The following LNP1 variants were observed in gnomAD, a reference collection of about 807,000 sequenced individuals.
LNP1 encodes the protein leukemia NUP98 fusion partner 1.
Under a neutral mutation model 14.5 loss-of-function variants are expected in LNP1, and 12 were observed. That is an observed-to-expected ratio of 0.83 (90% CI 0.53 to 1.34). The LOEUF (loss-of-function observed/expected upper bound fraction) is 1.34, where lower values mean the gene tolerates loss of function less well. Among genes scored for constraint, LNP1 ranks in the 40% most tolerant of loss-of-function variants. LNP1 has a pLI of 0.00. For synonymous variants in LNP1, 75 were observed against 71.4 expected (o/e 1.05, Z -0.26); for missense variants, 198 against 210.9 (o/e 0.94, Z 0.38).
At chr3:100,434,222 C>T (rs891122054) in intron 2 of LNP1, among the ~76,000 whole-genome samples, 1 of 152,120 alleles carries the variant, frequency 6.6e-6, no homozygotes, top group Non-Finnish European at 1.5e-5. Flanking sequence ...GTCTTTAATC[C>T]ATCCTGAGTT....
At chr3:100,431,992 TTATATATA>T (rs66513332) in intron 2 of LNP1, among the ~76,000 whole-genome samples, 146 of 34,502 alleles carry the variant, frequency 4.2e-3, no homozygotes, top group Middle Eastern at 0.024. Context: ...GAGACCTTGT[TTATATATA>T]TATATATATA....
chr3:100,447,581 T>C (rs2148907638), intron 2 of LNP1, among the ~76,000 whole-genome samples: 1 of 151,462 alleles, frequency 6.6e-6, no homozygotes. Flanking sequence ...ACATGTACCC[T>C]AGAACTTAAA....
chr3:100,414,345 G>A (rs1305467113), intron 1 of LNP1, among the ~76,000 whole-genome samples: 1 of 152,090 alleles, frequency 6.6e-6, no homozygotes, highest in Non-Finnish European at 1.5e-5. Flanking sequence ...TCAGGAGGTT[G>A]AGACCAGCCT....
chr3:100,438,250 C>G (rs1707310235), intron 2 of LNP1, among the ~76,000 whole-genome samples: 1 of 152,130 alleles, frequency 6.6e-6, no homozygotes, highest in Non-Finnish European at 1.5e-5. Flanking sequence ...ATTACATAAC[C>G]AATTTCCCCC....
chr3:100,426,579 C>T (rs565958271), intron 1 of LNP1, among the ~76,000 whole-genome samples: 1 of 152,304 alleles, frequency 6.6e-6, no homozygotes, highest in Admixed American at 6.5e-5. Flanking sequence ...CTCTAAGGGT[C>T]AGACAGACAC....
At chr3:100,450,980 G>C (rs998730998) in intron 2 of LNP1, among the ~76,000 whole-genome samples, 1 of 152,132 alleles carries the variant, frequency 6.6e-6, no homozygotes, top group African/African-American at 2.4e-5. Flanking sequence ...CTCTCTGGAG[G>C]GGGTGGTCTC....
rs1023867459 is a variant in LNP1 at position 100,402,195 on chromosome 3, G to C, written c.-278G>C. ...TTGGAATACACGGTATTTTCATGAA[G>C]ACAACTATTAATAGAAAAATCAGAG... On this transcript the variant is annotated 5_prime_UTR_variant, in exon 1 of 4. Coordinates refer to ENST00000383693, the MANE Select transcript of LNP1 (RefSeq NM_001085451.2). 3 of 152,144 alleles carry C rather than the reference G, an allele frequency of 2.0e-5. No homozygotes were observed. Among genetic ancestry groups the C allele is most frequent in the African/African-American group, 7.2e-5 (3 of 41,430 alleles). 9.4% of individuals were successfully genotyped at this position (152,144 alleles called of 1,614,324 possible).
chr3:100,429,363 A>G lies in LNP1; in HGVS notation c.-33-334A>G, dbSNP rs375167376. On this transcript the variant is annotated intron_variant, in intron 1 of 3. Coordinates refer to ENST00000383693, the MANE Select transcript of LNP1 (RefSeq NM_001085451.2). ...ATCATCATTGACAGCTGGAGATGCC[A>G]TCACATGTCATTGGCAGCAAAGCAC... 7.0e-4 allele frequency among the ~76,000 whole-genome samples: 107 copies of G among 152,284 alleles called. 1 individual carries two copies. The highest frequency in any genetic ancestry group is 2.4e-3 in the African/African-American group (101 of 41,570).
At chr3:100,411,298 G>T (rs914842369) in intron 1 of LNP1, among the ~76,000 whole-genome samples, 1 of 152,176 alleles carries the variant, frequency 6.6e-6, no homozygotes, top group African/African-American at 2.4e-5. Context: ...CACCTGCAGA[G>T]AATTTTGCCT....
At chr3:100,438,047 C>G (rs1576233880) in intron 2 of LNP1, among the ~76,000 whole-genome samples, 1 of 152,214 alleles carries the variant, frequency 6.6e-6, no homozygotes, top group African/African-American at 2.4e-5. Context: ...AGGACCTGGC[C>G]CCAGAGTGCC....
intron 1 of LNP1, among the ~76,000 whole-genome samples, chr3:100,427,559 C>T (rs542257778): frequency 3.9e-5 from 6 of 152,206 alleles, no homozygotes; most frequent in Middle Eastern, 3.2e-3. Flanking sequence ...TTTCCCAAAC[C>T]CTGCTTTAGC....
At chr3:100,406,443 G>A (rs886860255) in intron 1 of LNP1, among the ~76,000 whole-genome samples, 1 of 152,184 alleles carries the variant, frequency 6.6e-6, no homozygotes, top group East Asian at 1.9e-4. Context: ...AATTTCATGT[G>A]TCAATTTGAC....
In LNP1 at chr3:100,402,014, GGTTGTTTT is replaced by G. The variant is rs1706914233; in HGVS notation, c.-457_-450del. On this transcript the variant is annotated 5_prime_UTR_variant, in exon 1 of 4. Coordinates refer to ENST00000383693, the MANE Select transcript of LNP1 (RefSeq NM_001085451.2). Reference sequence around the variant, plus strand: ...CTCGCTCTGATCCGCACGCCCCCCGGGTTGTTTTGCAGTAGCAGTCTCAGCCCTCTTCT... The same window carrying G: ...CTCGCTCTGATCCGCACGCCCCCCGGGCAGTAGCAGTCTCAGCCCTCTTCT... 2 of 152,192 alleles carry G rather than the reference GGTTGTTTT, an allele frequency of 1.3e-5. No individual in the cohort carries two copies. Among genetic ancestry groups the G allele is most frequent in the Admixed American group, 1.3e-4 (2 of 15,290 alleles). The allele number at this position is 152,192 out of a possible 1,614,324, so 9.4% of individuals were successfully genotyped here.
chr3:100,417,360 C>CTTTCTTTT (rs1707094450), intron 1 of LNP1, among the ~76,000 whole-genome samples: 2 of 104,996 alleles, frequency 1.9e-5, no homozygotes, highest in African/African-American at 7.5e-5. Flanking sequence ...TTCTTTCTTT[C>CTTTCTTTT]TTTCTTTTTT....
chr3:100,414,847 C>G (rs1386750349), intron 1 of LNP1, among the ~76,000 whole-genome samples: 1 of 152,058 alleles, frequency 6.6e-6, no homozygotes, highest in Non-Finnish European at 1.5e-5. Flanking sequence ...CTAATGAGAC[C>G]CTTAATAGAG....
At chr3:100,408,972 A>G (rs1029106605) in intron 1 of LNP1, among the ~76,000 whole-genome samples, 1 of 152,148 alleles carries the variant, frequency 6.6e-6, no homozygotes, top group African/African-American at 2.4e-5. Context: ...GTTCAAATTC[A>G]TATTTCTCTG....
At chr3:100,406,953 C>T (rs1388567175) in intron 1 of LNP1, among the ~76,000 whole-genome samples, 3 of 152,216 alleles carry the variant, frequency 2.0e-5, no homozygotes, top group African/African-American at 7.2e-5. Context: ...GCAAACTACA[C>T]TTTAACTCCA....
chr3:100,446,925 G>A (rs1260150197), intron 2 of LNP1, among the ~76,000 whole-genome samples: 1 of 152,090 alleles, frequency 6.6e-6, no homozygotes, highest in African/African-American at 2.4e-5. Context: ...CAGTTAGAAC[G>A]GCAATCATTA....
intron 2 of LNP1, among the ~76,000 whole-genome samples, chr3:100,449,360 G>A (rs561259483): frequency 1.3e-5 from 2 of 152,186 alleles, no homozygotes; most frequent in East Asian, 1.9e-4. Context: ...AGGTGACACA[G>A]TACAAAAGCA....
Sources: gnomAD v4.1 joint callset for allele counts (sites outside exome capture counted in the v4.1 genomes callset) on GRCh38, gnomAD v4.1.1 for gene constraint, MANE v1.5 for transcripts, NCBI Gene and HGNC (gene_info 2026-07-23, HGNC 2026-07-21) for gene names.